Variants in GADL1 observed in about 807,000 individuals in gnomAD.
The protein encoded by GADL1 is GAD like acidic amino acid decarboxylase 1.
In GADL1, 71 loss-of-function variants were observed where a neutral mutation model predicts 69.5. That is an observed-to-expected ratio of 1.02 (90% confidence interval 0.84 to 1.25). The LOEUF is 1.25. Ranked by LOEUF, GADL1 falls within the 50% of genes most tolerant of loss-of-function variation. The pLI, the probability that GADL1 is intolerant of heterozygous loss-of-function variation, is 0.00. For synonymous variants in GADL1, 254 were observed against 214.4 expected (o/e 1.18, Z -1.62); for missense variants, 737 against 631.8 (o/e 1.17, Z -1.79).
At chr3:30,758,802 C>T (rs1438714122) in intron 14 of GADL1, among the ~76,000 whole-genome samples, 2 of 152,180 alleles carry the variant, frequency 1.3e-5, no homozygotes, top group African/African-American at 4.8e-5. Context: ...GAATCCTATG[C>T]CATCCTTGCC....
chr3:30,730,105 T>A (rs17026437), intron 14 of GADL1, among the ~76,000 whole-genome samples: 6,877 of 152,212 alleles, frequency 0.045, 451 homozygotes, highest in African/African-American at 0.13. Context: ...AACAACAGCC[T>A]GCATTCACTT....
At chr3:30,859,605 A>G (rs1460649868) in intron 2 of GADL1, among the ~76,000 whole-genome samples, 1 of 151,962 alleles carries the variant, frequency 6.6e-6, no homozygotes, top group Non-Finnish European at 1.5e-5. Flanking sequence ...AATAGTTATG[A>G]CTTCTGAAAC....
intron 1 of GADL1, among the ~76,000 whole-genome samples, chr3:30,888,448 G>T (rs1342361658): frequency 6.6e-6 from 1 of 152,146 alleles, no homozygotes; most frequent in African/African-American, 2.4e-5. Context: ...ATCCTCAGAA[G>T]CTCATAGTGA....
chr3:30,846,228 G>T (rs1157410120), intron 6 of GADL1, among the ~76,000 whole-genome samples: 1 of 152,184 alleles, frequency 6.6e-6, no homozygotes, highest in Non-Finnish European at 1.5e-5. Flanking sequence ...ACTGCATTTA[G>T]AAACAAACAG....
chr3:30,767,623 C>CAGTA (rs1696314111), intron 14 of GADL1, among the ~76,000 whole-genome samples: 1 of 152,028 alleles, frequency 6.6e-6, no homozygotes, highest in African/African-American at 2.4e-5. Context: ...AATTGAATGA[C>CAGTA]AGTAAAGCCA....
intron 14 of GADL1, among the ~76,000 whole-genome samples, chr3:30,746,065 C>T (rs111538183): frequency 5.3e-5 from 8 of 151,640 alleles, no homozygotes; most frequent in African/African-American, 1.9e-4. Context: ...CTTGGCTCAC[C>T]GCAGCCTTCG....
At chr3:30,755,789 T>G (rs1317652008) in intron 14 of GADL1, among the ~76,000 whole-genome samples, 1 of 151,390 alleles carries the variant, frequency 6.6e-6, no homozygotes, top group Non-Finnish European at 1.5e-5. Flanking sequence ...ACCTATGTTG[T>G]GATTAGAAAA....
At chr3:30,880,412 G>T (rs1285016984) in intron 1 of GADL1, among the ~76,000 whole-genome samples, 1 of 151,760 alleles carries the variant, frequency 6.6e-6, no homozygotes, top group Admixed American at 6.6e-5. Flanking sequence ...ATGGGAGTGG[G>T]TTTTTCCCAT....
In GADL1 at chr3:30,871,038, G is replaced by T. The variant is rs77929120; in HGVS notation, c.38-9273C>A. Among the ~76,000 whole-genome samples the T allele has an allele frequency of 0.013, 1,343 of 101,662 alleles. 62 individuals carry two copies. In the East Asian group the frequency reaches 0.24, roughly 18 times the overall value. The allele number at this position is 101,662 out of a possible 152,430, so 66.7% of individuals were successfully genotyped here. ...AGAAAAAGCAACATGGACTAAGGCA[G>T]AAAAGTGTGTGTGTGTGTGTGTGTG... On this transcript the variant is annotated intron_variant, in intron 1 of 14. Transcript: ENST00000282538.
At chr3:30,762,421 T>C (rs768937511) in intron 14 of GADL1, among the ~76,000 whole-genome samples, 6 of 152,220 alleles carry the variant, frequency 3.9e-5, no homozygotes, top group Non-Finnish European at 8.8e-5. Flanking sequence ...TCTGAACTCA[T>C]GTACTTCAAC....
intron 1 of GADL1, among the ~76,000 whole-genome samples, chr3:30,862,104 C>T (rs1698329716): frequency 6.6e-6 from 1 of 151,898 alleles, no homozygotes; most frequent in South Asian, 2.1e-4. Flanking sequence ...ATACAATTCC[C>T]ATGCTAGATG....
intron 10 of GADL1, 60 bp downstream of exon 10, chr3:30,834,157 A>C: frequency 7.9e-7 from 1 of 1,261,632 alleles, no homozygotes; most frequent in Non-Finnish European, 1.1e-6. Flanking sequence ...AATATCACTT[A>C]GTCCAAAGAG....
At chr3:30,821,649 T>C (rs1202856791) in intron 11 of GADL1, among the ~76,000 whole-genome samples, 1 of 152,018 alleles carries the variant, frequency 6.6e-6, no homozygotes, top group Non-Finnish European at 1.5e-5. Context: ...TTCACAGGTT[T>C]AATATAAACC....
intron 11 of GADL1, among the ~76,000 whole-genome samples, chr3:30,807,593 G>T (rs916631015): frequency 3.3e-5 from 5 of 152,210 alleles, no homozygotes; most frequent in Admixed American, 2.6e-4. Context: ...GGGTAGGGAT[G>T]CTAGGTGGAC....
At chr3:30,893,249 C>G (rs1448779838) in intron 1 of GADL1, among the ~76,000 whole-genome samples, 1 of 152,134 alleles carries the variant, frequency 6.6e-6, no homozygotes, top group Non-Finnish European at 1.5e-5. Context: ...TGTTTTTCTT[C>G]TTTTTAAGTT....
At chr3:30,769,468 T>C (rs1039345014) in intron 14 of GADL1, among the ~76,000 whole-genome samples, 2 of 152,152 alleles carry the variant, frequency 1.3e-5, no homozygotes, top group Admixed American at 6.5e-5. Flanking sequence ...AATTGTCTCC[T>C]GTACCCTCTT....
chr3:30,790,268 CAATATT>C (rs1267218223), intron 12 of GADL1, among the ~76,000 whole-genome samples: 1 of 152,176 alleles, frequency 6.6e-6, no homozygotes, highest in Non-Finnish European at 1.5e-5. Flanking sequence ...AGAACACACT[CAATATT>C]AAGTTTTCCA....
intron 1 of GADL1, among the ~76,000 whole-genome samples, chr3:30,862,835 C>T (rs1363163049): frequency 6.6e-6 from 1 of 151,838 alleles, no homozygotes; most frequent in Non-Finnish European, 1.5e-5. Flanking sequence ...TAGCTGTTGG[C>T]CAATTTCTCT....
chr3:30,810,512 T>C (rs780052840), intron 11 of GADL1, among the ~76,000 whole-genome samples: 2 of 152,222 alleles, frequency 1.3e-5, no homozygotes, highest in Non-Finnish European at 1.5e-5. Flanking sequence ...TTTACAAAGC[T>C]GAGGTCAGTT....
Sources: gnomAD v4.1 joint callset for allele counts (sites outside exome capture counted in the v4.1 genomes callset) on GRCh38, gnomAD v4.1.1 for gene constraint, MANE v1.5 for transcripts, NCBI Gene and HGNC (gene_info 2026-07-23, HGNC 2026-07-21) for gene names.